Variants in CDC42 observed in about 807,000 individuals in gnomAD.
CDC42 encodes the protein cell division cycle 42.
Under a neutral mutation model 20.8 loss-of-function variants are expected in CDC42, and 1 was observed. The ratio of observed to expected loss-of-function variants is 0.05; its 90% CI spans 0.02 to 0.23. CDC42 has a LOEUF of 0.23. Ranked by LOEUF, CDC42 falls within the 10% of genes least tolerant of loss-of-function variation. The pLI, the probability that CDC42 is intolerant of heterozygous loss-of-function variation, is 1.00. For missense variants in CDC42, 49 were observed against 227.9 expected (o/e 0.21, Z 5.05); for synonymous variants, 72 against 84.8 (o/e 0.85, Z 0.83).
At position 22,074,995 on chromosome 1, in the gene CDC42, A is replaced by G. The variant is rs17435502; in HGVS notation, c.-50-3434A>G. ...TACTTCAGGCTGCTTTTTTTTGTGTAAGGGTTAAAGCAGAGGGAACTTCAT... is the reference window on the plus strand; with the variant it reads ...TACTTCAGGCTGCTTTTTTTTGTGTGAGGGTTAAAGCAGAGGGAACTTCAT... On this transcript the variant is annotated intron_variant, in intron 1 of 5. Transcript: ENST00000656825. Among the ~76,000 whole-genome samples the G allele has an allele frequency of 4.2e-3, 635 of 152,314 alleles. 2 individuals are homozygous for G. The highest frequency in any genetic ancestry group is 6.2e-3 in the Non-Finnish European group (425 of 68,028).
chr1:22,066,850 G>T (rs879304340), intron 1 of CDC42, among the ~76,000 whole-genome samples: 1 of 152,178 alleles, frequency 6.6e-6, no homozygotes, highest in Non-Finnish European at 1.5e-5. Context: ...GATCACCTGA[G>T]GTTGGGAGTT....
chr1:22,101,213 C>T lies in CDC42; in HGVS notation c.*9696C>T, dbSNP rs886712396. On this transcript the variant is annotated 3_prime_UTR_variant, in exon 6 of 6. Coordinates refer to ENST00000656825, the MANE Select transcript of CDC42 (RefSeq NM_001791.4). Reference sequence around the variant, plus strand: ...TGTTTGATACTATATCTTCATTTCTCCCATGGTAGTAATAACACTGTTGGA... The same window carrying T: ...TGTTTGATACTATATCTTCATTTCTTCCATGGTAGTAATAACACTGTTGGA... The T allele has an allele frequency of 5.3e-5, 8 of 152,160 alleles. No individual in the cohort carries two copies. Among genetic ancestry groups the T allele is most frequent in the Admixed American group, 3.3e-4 (5 of 15,284 alleles). 9.4% of individuals were successfully genotyped at this position (152,160 alleles called of 1,614,324 possible). A position where few individuals can be genotyped will look rare whatever the true frequency, so the allele number is the denominator to read the frequency against.
rs942011463 is a variant in CDC42 at position 22,098,003 on chromosome 1, G to T, written c.*6486G>T. On this transcript the variant is annotated 3_prime_UTR_variant, in exon 6 of 6. Transcript: ENST00000656825. The stretch of plus-strand genomic sequence containing the variant: ...GCATTTTCTCAACCCTATTACAATA[G>T]AGCACAGGATCATAACTGTTCTGTT... 6.6e-6 allele frequency among the ~76,000 whole-genome samples: 1 copy of T among 152,082 alleles called. No homozygotes were observed. Among genetic ancestry groups the T allele is most frequent in the Non-Finnish European group, 1.5e-5 (1 of 68,028 alleles).
At chr1:22,053,364 C>G (rs1645259126) in intron 1 of CDC42, 1 of 152,104 alleles carries the variant, frequency 6.6e-6, no homozygotes, top group East Asian at 1.9e-4. Context: ...GAGCTCCCCT[C>G]CGCGCCGGCC....
intron 1 of CDC42, among the ~76,000 whole-genome samples, chr1:22,055,008 C>T (rs2501272): frequency 0.93 from 118,525 of 126,944 alleles, 55,343 homozygotes; most frequent in East Asian, 1. Flanking sequence ...GGCTGGAGTG[C>T]AGTGGCGCAA....
At chr1:22,053,075 C>T (rs1197953314) in intron 1 of CDC42, among the ~76,000 whole-genome samples, 6 of 151,254 alleles carry the variant, frequency 4.0e-5, no homozygotes, top group African/African-American at 1.5e-4. Context: ...CCTGGGCGCC[C>T]GGGCTCCCCT....
At chr1:22,081,437 G>C (rs754943382) in intron 2 of CDC42, among the ~76,000 whole-genome samples, 1 of 152,248 alleles carries the variant, frequency 6.6e-6, no homozygotes, top group East Asian at 1.9e-4. Flanking sequence ...GGTTCATTTT[G>C]TGTAGCTAGA....
rs1017963039 is a variant in CDC42, at chr1:22,099,671, T to G, written c.*8154T>G. Among the ~76,000 whole-genome samples the G allele has an allele frequency of 9.9e-5, 15 of 152,186 alleles. No individual in the cohort carries two copies. Among genetic ancestry groups the G allele is most frequent in the African/African-American group, 3.4e-4 (14 of 41,450 alleles). On this transcript the variant is annotated 3_prime_UTR_variant, in exon 6 of 6. Transcript: ENST00000656825. ...TGGGGGAGGTGACTTTAGGATCAGT[T>G]GTAGCATGAGAGAATATGACACCTT...
At chr1:22,054,596 A>G (rs373381729) in intron 1 of CDC42, among the ~76,000 whole-genome samples, 3 of 152,084 alleles carry the variant, frequency 2.0e-5, no homozygotes, top group Admixed American at 6.6e-5. Flanking sequence ...AAGATAATTC[A>G]TGTCGAAACA....
At chr1:22,054,891 G>GTATATATATATATA (rs1157685736) in intron 1 of CDC42, among the ~76,000 whole-genome samples, 24 of 71,882 alleles carry the variant, frequency 3.3e-4, no homozygotes, top group Admixed American at 4.6e-4. Flanking sequence ...TTGAATTTAT[G>GTATATATATATATA]TATATATATA....
At chr1:22,079,238 A>G (rs1415073718) in intron 2 of CDC42, among the ~76,000 whole-genome samples, 3 of 150,860 alleles carry the variant, frequency 2.0e-5, no homozygotes, top group Admixed American at 2.0e-4. Flanking sequence ...TCCCGGGTTC[A>G]AGCAGTTCTC....
At chr1:22,082,248 G>A (rs1030009516) in intron 3 of CDC42, among the ~76,000 whole-genome samples, 14 of 151,540 alleles carry the variant, frequency 9.2e-5, no homozygotes, top group African/African-American at 3.4e-4. Flanking sequence ...GCCATTTACA[G>A]TATTTATTAT....
intron 5 of CDC42, among the ~76,000 whole-genome samples, chr1:22,089,315 C>A (rs557383424): frequency 1.3e-5 from 2 of 152,200 alleles, no homozygotes; most frequent in South Asian, 4.1e-4. Flanking sequence ...GCTCTGATAC[C>A]CATGCAGACA....
At chr1:22,082,523 G>T (rs565783921) in intron 3 of CDC42, among the ~76,000 whole-genome samples, 1 of 152,076 alleles carries the variant, frequency 6.6e-6, no homozygotes, top group Non-Finnish European at 1.5e-5. Context: ...TCTATGTGCC[G>T]TCTTATTATC....
At chr1:22,089,918 C>T (rs1161601468) in intron 5 of CDC42, 5 of 1,609,878 alleles carry the variant, frequency 3.1e-6, no homozygotes, top group African/African-American at 1.3e-5. Flanking sequence ...GGCTGCTATT[C>T]TCTCTCCTCC....
chr1:22,084,684 A>G (rs2501261), intron 3 of CDC42, among the ~76,000 whole-genome samples: 112,477 of 151,950 alleles, frequency 0.74, 41,858 homozygotes, highest in South Asian at 0.88. Context: ...AAGTTTGTCT[A>G]TTTTTTGGTG....
rs6143160 is a variant in CDC42, at chr1:22,099,893, AAGCTTGTCCAAGAATTCAGAGCT to A, written c.*8402_*8424del. Among the ~76,000 whole-genome samples, 143,285 of 151,514 alleles carry A rather than the reference AAGCTTGTCCAAGAATTCAGAGCT, an allele frequency of 0.95. 67,853 individuals are homozygous for A. Among genetic ancestry groups the A allele is most frequent in the East Asian group, 1 (5,169 of 5,172 alleles). On this transcript the variant is annotated 3_prime_UTR_variant, in exon 6 of 6. Coordinates refer to ENST00000656825, the MANE Select transcript of CDC42 (RefSeq NM_001791.4). ...GGAAACTGAGGCATGTTATGATACA[AAGCTTGTCCAAGAATTCAGAGCT>A]AGCTTGTCCAAGAATTCAGAGCTAG...
chr1:22,061,240 C>G (rs1400708409), intron 1 of CDC42, among the ~76,000 whole-genome samples: 1 of 151,956 alleles, frequency 6.6e-6, no homozygotes, highest in African/African-American at 2.4e-5. Flanking sequence ...AACCCCGTCT[C>G]TACTAAAAAT....
Position 22,093,546 on chromosome 1 carries a change from T to C in CDC42, c.*2029T>C, listed in dbSNP as rs1164718111. Among the ~76,000 whole-genome samples, 1 of 152,196 alleles carries C rather than the reference T, an allele frequency of 6.6e-6. No individual in the cohort carries two copies. Among genetic ancestry groups the C allele is most frequent in the African/African-American group, 2.4e-5 (1 of 41,448 alleles). ...TGAGAATCTTAGAAACTAAGAACCC[T>C]TAAAATCAGTTAAGGTTGGTACACT... On this transcript the variant is annotated 3_prime_UTR_variant, in exon 6 of 6. Transcript: ENST00000656825.
Sources: allele counts gnomAD v4.1 joint callset (sites outside exome capture counted in the v4.1 genomes callset), GRCh38; gene constraint gnomAD v4.1.1; transcripts MANE v1.5; gene names NCBI Gene and HGNC (gene_info 2026-07-23, HGNC 2026-07-21).